Variants in SIK3 observed in about 807,000 individuals in gnomAD.
SIK3 encodes serine/threonine-protein kinase SIK3.
A neutral mutation model predicts 144.2 loss-of-function variants in SIK3; 28 were observed. The observed-to-expected ratio is 0.19, with a 90% CI of 0.14 to 0.27. The LOEUF is 0.27. Ranked by LOEUF, SIK3 falls within the 10% of genes least tolerant of loss-of-function variation. The pLI, the probability that SIK3 is intolerant of heterozygous loss-of-function variation, is 1.00. For missense variants in SIK3, 1,319 were observed against 1,776.0 expected (o/e 0.74, Z 4.62); for synonymous variants, 686 against 676.3 (o/e 1.01, Z -0.22).
chr11:116,930,256 C>G (rs1231401780), intron 3 of SIK3, among the ~76,000 whole-genome samples: 1 of 152,120 alleles, frequency 6.6e-6, no homozygotes. Context: ...CTTATCCCCC[C>G]AACCCCTACT....
intron 3 of SIK3, among the ~76,000 whole-genome samples, chr11:116,944,319 C>T (rs1948465608): frequency 6.6e-6 from 1 of 152,076 alleles, no homozygotes; most frequent in Non-Finnish European, 1.5e-5. Context: ...AGTCTAATAA[C>T]ATGATTTAGG....
chr11:116,856,387 A>G (rs931854308), intron 21 of SIK3, among the ~76,000 whole-genome samples: 5 of 152,138 alleles, frequency 3.3e-5, no homozygotes, highest in African/African-American at 9.7e-5. Context: ...AAGGTCTTCC[A>G]CAGGGTGTTG....
rs1037271983 is a variant in SIK3 at position 117,075,840 on chromosome 11, C to CTTTTT, written c.273+22298_273+22302dup. On this transcript the variant is annotated intron_variant, in intron 1 of 24. Coordinates refer to ENST00000445177, the MANE Select transcript of SIK3 (RefSeq NM_001366686.3). The stretch of plus-strand genomic sequence containing the variant: ...TATAGGCGTGAGCCACCAAGCCTGG[C>CTTTTT]TTTTTTTTTTTTTTTTTTTTTTTTT... Among the ~76,000 whole-genome samples, 17 of 40,918 alleles carry CTTTTT rather than the reference C, an allele frequency of 4.2e-4. 3 individuals carry two copies. The highest frequency in any genetic ancestry group is 6.5e-4 in the East Asian group (1 of 1,538). The allele number at this position is 40,918 out of a possible 152,430, so 26.8% of individuals were successfully genotyped here. A position where few individuals can be genotyped will look rare whatever the true frequency, so the allele number is the denominator to read the frequency against.
chr11:116,973,858 A>T (rs1289097387), intron 1 of SIK3, among the ~76,000 whole-genome samples: 1 of 152,148 alleles, frequency 6.6e-6, no homozygotes, highest in African/African-American at 2.4e-5. Context: ...AAAACCATTA[A>T]GGTCATCAAA....
At chr11:116,995,607 T>G (rs147754772) in intron 1 of SIK3, among the ~76,000 whole-genome samples, 1 of 152,248 alleles carries the variant, frequency 6.6e-6, no homozygotes, top group African/African-American at 2.4e-5. Flanking sequence ...CTATTCTAGA[T>G]ACACTTCAGA....
At position 116,849,676 on chromosome 11, in the gene SIK3, C is replaced by T. The variant is rs564784526; in HGVS notation, c.3656-393G>A. The stretch of plus-strand genomic sequence containing the variant: ...TTCTGTGGCTGGCTGCGTCCTCTCT[C>T]CTCCCCCGGTGACCTCAGTGTACCA... On this transcript the variant is annotated intron_variant, in intron 21 of 24. Coordinates refer to ENST00000445177, the MANE Select transcript of SIK3 (RefSeq NM_001366686.3). This position sits in a 1 kb window ranked among gnomAD's most constrained non-coding sequence, Gnocchi z 4.2. Among the ~76,000 whole-genome samples the T allele has an allele frequency of 6.6e-6, 1 of 152,288 alleles. No homozygotes were observed. The highest frequency in any genetic ancestry group is 1.9e-4 in the East Asian group (1 of 5,184).
At chr11:116,938,059 G>C (rs1305937552) in intron 3 of SIK3, among the ~76,000 whole-genome samples, 1 of 151,732 alleles carries the variant, frequency 6.6e-6, no homozygotes, top group Non-Finnish European at 1.5e-5. Context: ...ACAAAAATTA[G>C]CTGGGCATGG....
rs1944248216 is a variant in SIK3, at chr11:116,876,265, T to C, written c.1083A>G (p.Glu361=). 1.2e-6 allele frequency: 2 copies of C among 1,614,052 alleles called. No homozygotes were observed. Among genetic ancestry groups the C allele is most frequent in the East Asian group, 4.5e-5 (2 of 44,886 alleles). ...CCTTCGGAGATACCTGCAGTGTCTG[T>C]TCTTTGTCCAGTCCCATGTCCTCCA... is the stretch of plus-strand genomic sequence containing the variant. ...LAMEDMGLDK[E]QTLQSLRSDA... The change falls in exon 8 of 25, where the codon GAA becomes GAG. Residue 361 remains glutamate, a synonymous_variant. Transcript: ENST00000445177.
At chr11:116,938,549 AGGGGAGGGGAG>A (rs1342104576) in intron 3 of SIK3, among the ~76,000 whole-genome samples, 13 of 1,668 alleles carry the variant, frequency 7.8e-3, no homozygotes, top group Admixed American at 0.056. Context: ...AGGGGAGGGG[AGGGGAGGGGAG>A]GGGAGGGGAG....
In SIK3 at chr11:116,858,227, G is replaced by A. The variant is rs1406194898; in HGVS notation, c.3238C>T (p.Pro1080Ser). Reference sequence around the variant, plus strand: ...GTCATGCTCTGTCCCCCAAGGCTGGGAGCCAGACTCCCCGCATCCCCTTGG... The same window carrying A: ...GTCATGCTCTGTCCCCCAAGGCTGGAAGCCAGACTCCCCGCATCCCCTTGG... ...MNQGDAGSLA[P>S]SLGGQSMTER... Residue 1080 changes from proline (P) to serine (S), a missense_variant, in exon 21 of 25, where the codon CCC becomes TCC. Pro to Ser is a moderately conservative substitution (Grantham distance 74). Around this residue, in one of 8 missense-constraint regions of SIK3, gnomAD observed 646 missense variants for 763.7 expected, o/e 0.85. Transcript: ENST00000445177. The surrounding 1 kb of genome is among the most constrained non-coding windows in gnomAD (Gnocchi z 5.4). 1.2e-6 allele frequency: 2 copies of A among 1,614,116 alleles called. No individual in the cohort carries two copies. The highest frequency in any genetic ancestry group is 8.5e-7 in the Non-Finnish European group (1 of 1,180,008).
At chr11:117,070,666 G>C (rs111641976) in intron 1 of SIK3, among the ~76,000 whole-genome samples, 3 of 151,206 alleles carry the variant, frequency 2.0e-5, no homozygotes, top group Non-Finnish European at 4.4e-5. Flanking sequence ...GGCTGGTCTC[G>C]AACTCCTGAC....
chr11:116,855,099 AAAAAAAAAAAC>A (rs1942790703), intron 21 of SIK3, among the ~76,000 whole-genome samples: 1 of 146,498 alleles, frequency 6.8e-6, no homozygotes, highest in Non-Finnish European at 1.5e-5. Context: ...AAAAAAAAAA[AAAAAAAAAAAC>A]TTGAGTTTTT....
intron 21 of SIK3, 80 bp downstream of exon 21, chr11:116,857,730 T>C: frequency 8.5e-6 from 13 of 1,521,856 alleles, no homozygotes; most frequent in African/African-American, 1.4e-5. Flanking sequence ...CACAGAATAC[T>C]AGCTGAAAAA....
chr11:116,873,743 G>T, intron 12 of SIK3, 107 bp from the exon 13 acceptor site: 1 of 1,467,472 alleles, frequency 6.8e-7, no homozygotes, highest in Non-Finnish European at 9.2e-7. Flanking sequence ...GGTCATGACA[G>T]AGACTAGAGG....
intron 6 of SIK3, among the ~76,000 whole-genome samples, chr11:116,891,228 G>A (rs1301562828): frequency 1.3e-5 from 2 of 152,100 alleles, no homozygotes; most frequent in South Asian, 2.1e-4. Context: ...GAGGTGGGAG[G>A]ACTGCCTGAG....
intron 3 of SIK3, among the ~76,000 whole-genome samples, chr11:116,935,053 C>A (rs1947837181): frequency 6.6e-6 from 1 of 151,776 alleles, no homozygotes; most frequent in African/African-American, 2.4e-5. Context: ...CCACTGCACT[C>A]CAGCCTGGGC....
intron 1 of SIK3, among the ~76,000 whole-genome samples, chr11:116,967,006 AAAAAAAAAG>A (rs952171998): frequency 4.1e-5 from 6 of 147,950 alleles, no homozygotes; most frequent in South Asian, 2.1e-4. Context: ...TCTGTTTCAA[AAAAAAAAAG>A]AAAAAGAAAA....
chr11:117,079,989 G>A (rs2136045665), intron 1 of SIK3, among the ~76,000 whole-genome samples: 1 of 152,050 alleles, frequency 6.6e-6, no homozygotes, highest in East Asian at 1.9e-4. Context: ...AGCCAAGATT[G>A]CACCACTGTA....
At chr11:117,036,460 T>C (rs1662139310) in intron 1 of SIK3, among the ~76,000 whole-genome samples, 1 of 152,144 alleles carries the variant, frequency 6.6e-6, no homozygotes, top group Non-Finnish European at 1.5e-5. Flanking sequence ...GTAGTAATCA[T>C]CCTGGGAAAT....
Sources: allele counts gnomAD v4.1 joint callset (sites outside exome capture counted in the v4.1 genomes callset), GRCh38; gene constraint gnomAD v4.1.1; regional missense constraint gnomAD v4.1.1; non-coding constraint Gnocchi (gnomAD v3.1); transcripts MANE v1.5; gene names NCBI Gene and HGNC (gene_info 2026-07-23, HGNC 2026-07-21).